Variants in RNF150 observed in about 807,000 individuals in gnomAD.
The protein encoded by RNF150 is ring finger protein 150.
RNF150 carries 24 observed loss-of-function variants against 39.3 expected under a neutral mutation model. The ratio of observed to expected loss-of-function variants is 0.61; its 90% CI spans 0.44 to 0.86. RNF150 has a LOEUF of 0.86. Among genes scored for constraint, RNF150 ranks in the 40% least tolerant of loss-of-function variants. RNF150 has a pLI of 0.00. For missense variants in RNF150, 502 were observed against 587.8 expected, an observed-to-expected ratio of 0.85 and a Z score of 1.51; for synonymous variants, 255 against 227.3, an observed-to-expected ratio of 1.12 and a Z score of -1.10.
intron 1 of RNF150, among the ~76,000 whole-genome samples, chr4:141,189,777 T>C (rs1728073238): frequency 6.6e-6 from 1 of 152,166 alleles, no homozygotes; most frequent in South Asian, 2.1e-4. Flanking sequence ...CCAGGTTGAC[T>C]TCAGACTGCT....
chr4:140,944,135 G>A (rs541344989), intron 4 of RNF150, among the ~76,000 whole-genome samples: 10 of 152,262 alleles, frequency 6.6e-5, no homozygotes, highest in Admixed American at 2.6e-4. Context: ...AATCAGAGAG[G>A]CTAACTTACT....
intron 1 of RNF150, among the ~76,000 whole-genome samples, chr4:141,165,760 G>A (rs1727588492): frequency 6.6e-6 from 1 of 151,978 alleles, no homozygotes; most frequent in Admixed American, 6.6e-5. Flanking sequence ...TGAGAACAAA[G>A]GTACAATGTA....
intron 1 of RNF150, among the ~76,000 whole-genome samples, chr4:141,109,928 T>C (rs1332169162): frequency 6.6e-6 from 1 of 152,138 alleles, no homozygotes; most frequent in Admixed American, 6.6e-5. Context: ...CAGAAAGCAG[T>C]AGCCTCTGGC....
chr4:140,957,776 C>T (rs1368769912), intron 2 of RNF150, among the ~76,000 whole-genome samples: 2 of 151,776 alleles, frequency 1.3e-5, no homozygotes, highest in East Asian at 3.9e-4. Context: ...TGGAAATCAT[C>T]ATTCTCAGTA....
At chr4:141,116,988 T>C (rs1391886299) in intron 1 of RNF150, among the ~76,000 whole-genome samples, 1 of 149,904 alleles carries the variant, frequency 6.7e-6, no homozygotes, top group Admixed American at 6.6e-5. Context: ...CCGGAGCCTG[T>C]CAGGGGGTGG....
At chr4:141,020,016 T>C (rs1259868206) in intron 1 of RNF150, among the ~76,000 whole-genome samples, 1 of 152,136 alleles carries the variant, frequency 6.6e-6, no homozygotes, top group Non-Finnish European at 1.5e-5. Flanking sequence ...ACAGTGTTTC[T>C]CTACAGTCTC....
At chr4:140,946,281 T>G (rs979823017) in intron 4 of RNF150, among the ~76,000 whole-genome samples, 8 of 152,322 alleles carry the variant, frequency 5.3e-5, no homozygotes, top group Non-Finnish European at 1.2e-4. Flanking sequence ...TATGCATCAA[T>G]TTTAGTATCC....
chr4:140,936,810 A>G (rs1305841635), intron 4 of RNF150, among the ~76,000 whole-genome samples: 1 of 152,134 alleles, frequency 6.6e-6, no homozygotes, highest in Non-Finnish European at 1.5e-5. Flanking sequence ...ATCAATGACA[A>G]TTTATATTAA....
chr4:141,108,102 A>C (rs957763311), intron 1 of RNF150, among the ~76,000 whole-genome samples: 14 of 152,188 alleles, frequency 9.2e-5, no homozygotes, highest in African/African-American at 3.4e-4. Flanking sequence ...CATATCATTC[A>C]GGGAGAAATG....
intron 1 of RNF150, among the ~76,000 whole-genome samples, chr4:141,017,577 T>C (rs935624833): frequency 1.2e-4 from 18 of 152,188 alleles, no homozygotes; most frequent in African/African-American, 3.9e-4. Context: ...TTGACAATTG[T>C]ATAATGACAT....
At position 141,002,233 on chromosome 4, in the gene RNF150, A is replaced by C. The variant is rs143701044; in HGVS notation, c.485-34360T>G. ...TTGAATATTAGAAATGCTTTTTACC[A>C]GGGTTTTCCTAGATTTTTTTTTTTT... is the stretch of plus-strand genomic sequence containing the variant. On this transcript the variant is annotated intron_variant, in intron 1 of 6. Coordinates refer to ENST00000515673, the MANE Select transcript of RNF150 (RefSeq NM_020724.2). 7.2e-3 allele frequency among the ~76,000 whole-genome samples: 1,089 copies of C among 151,678 alleles called. 15 individuals are homozygous for C. The highest frequency in any genetic ancestry group is 0.023 in the African/African-American group (947 of 41,268).
chr4:141,107,446 A>T (rs1050545296), intron 1 of RNF150, among the ~76,000 whole-genome samples: 1 of 152,226 alleles, frequency 6.6e-6, no homozygotes, highest in African/African-American at 2.4e-5. Context: ...CAAAGCTATT[A>T]TGAGGCCAAG....
intron 1 of RNF150, among the ~76,000 whole-genome samples, chr4:141,077,370 G>A (rs1310635219): frequency 6.6e-6 from 1 of 152,142 alleles, no homozygotes; most frequent in African/African-American, 2.4e-5. Flanking sequence ...ATGTTAAGTA[G>A]AAGAAGCCAG....
chr4:141,206,769 C>T (rs1469553333), intron 1 of RNF150, among the ~76,000 whole-genome samples: 1 of 151,946 alleles, frequency 6.6e-6, no homozygotes, highest in Non-Finnish European at 1.5e-5. Flanking sequence ...CACATGATTA[C>T]AAGGCAAAGT....
chr4:140,949,210 C>T, intron 3 of RNF150, 91 bp downstream of exon 3: 1 of 897,212 alleles, frequency 1.1e-6, no homozygotes, highest in Non-Finnish European at 1.7e-6. Flanking sequence ...TTTCCCTTTC[C>T]CATCCTTTCC....
intron 1 of RNF150, among the ~76,000 whole-genome samples, chr4:141,203,937 G>T (rs1728334775): frequency 6.6e-6 from 1 of 152,068 alleles, no homozygotes; most frequent in Non-Finnish European, 1.5e-5. Flanking sequence ...TTGGAAAGAT[G>T]AGTAGGACCC....
At chr4:140,869,347 A>G (rs1178980958) in intron 6 of RNF150, among the ~76,000 whole-genome samples, 5 of 152,208 alleles carry the variant, frequency 3.3e-5, no homozygotes, top group Non-Finnish European at 7.4e-5. Context: ...AAAGAAACCA[A>G]AAATGCTAAC....
At position 140,871,021 on chromosome 4, in the gene RNF150, T is replaced by TACACAC. The variant is rs146589962; in HGVS notation, c.1199-2648_1199-2643dup. On this transcript the variant is annotated intron_variant, in intron 6 of 6. Coordinates refer to ENST00000515673, the MANE Select transcript of RNF150 (RefSeq NM_020724.2). ...CTCTCTCTATATATATATATATGTA[T>TACACAC]ACACACACACACACACACTTTATAC... 8.0e-4 allele frequency among the ~76,000 whole-genome samples: 120 copies of TACACAC among 150,024 alleles called. 1 individual carries two copies. The highest frequency in any genetic ancestry group is 3.4e-3 in the Middle Eastern group (1 of 290).
intron 1 of RNF150, among the ~76,000 whole-genome samples, chr4:141,078,420 T>C (rs796562861): frequency 1.3e-5 from 2 of 152,290 alleles, no homozygotes; most frequent in African/African-American, 4.8e-5. Flanking sequence ...GATTTCACTG[T>C]ATCCCATGTT....
Sources: allele counts gnomAD v4.1 joint callset (sites outside exome capture counted in the v4.1 genomes callset), GRCh38; gene constraint gnomAD v4.1.1; transcripts MANE v1.5; gene names NCBI Gene and HGNC (gene_info 2026-07-23, HGNC 2026-07-21).